PCDH15: variants seen among roughly 807,000 people sequenced by gnomAD.
The protein encoded by PCDH15 is protocadherin-15.
PCDH15 carries 129 observed loss-of-function variants against 178.5 expected under a neutral mutation model. The ratio of observed to expected loss-of-function variants is 0.72; its 90% CI spans 0.63 to 0.84. PCDH15 has a LOEUF of 0.84. Among genes scored for constraint, PCDH15 ranks in the 40% least tolerant of loss-of-function variants. The probability of loss-of-function intolerance (pLI) is 0.00; values close to 1 mark genes in which losing one functional copy is unlikely to be tolerated. For synonymous variants in PCDH15, 800 were observed against 732.0 expected (o/e 1.09, Z -1.50); for missense variants, 2,230 against 2,099.9 (o/e 1.06, Z -1.21).
intron 2 of PCDH15, among the ~76,000 whole-genome samples, chr10:54,898,061 T>A (rs575943831): frequency 6.6e-6 from 1 of 152,146 alleles, no homozygotes; most frequent in Non-Finnish European, 1.5e-5. Flanking sequence ...AGATCCCTCA[T>A]GGCCTGGTGC....
chr10:55,566,880 C>T (rs1245509570), intron 2 of PCDH15, among the ~76,000 whole-genome samples: 3 of 151,720 alleles, frequency 2.0e-5, no homozygotes, highest in South Asian at 2.1e-4. Flanking sequence ...ATAGACTTAA[C>T]GCAATCCCTA....
chr10:54,247,881 A>AAAAAT (rs1260841226), intron 8 of PCDH15, among the ~76,000 whole-genome samples: 15 of 148,494 alleles, frequency 1.0e-4, no homozygotes, highest in African/African-American at 3.5e-4. Context: ...AAAAAAAAGA[A>AAAAAT]ATATGTATAT....
chr10:55,513,534 G>A (rs987951726), intron 2 of PCDH15, among the ~76,000 whole-genome samples: 39 of 152,014 alleles, frequency 2.6e-4, no homozygotes, highest in African/African-American at 8.9e-4. Flanking sequence ...TACATCACAG[G>A]TGATAAAACG....
chr10:54,778,566 GGTTA>G (rs1472412790), intron 1 of PCDH15, among the ~76,000 whole-genome samples: 1 of 151,974 alleles, frequency 6.6e-6, no homozygotes, highest in Non-Finnish European at 1.5e-5. Flanking sequence ...TTTTGTTTCT[GGTTA>G]GTGTTTTTAC....
intron 2 of PCDH15, among the ~76,000 whole-genome samples, chr10:55,067,240 C>T (rs1277203215): frequency 6.6e-6 from 1 of 151,982 alleles, no homozygotes; most frequent in East Asian, 1.9e-4. Context: ...TTCATCCCCA[C>T]AACACTTCTC....
intron 8 of PCDH15, among the ~76,000 whole-genome samples, chr10:54,263,247 A>G (rs1178980312): frequency 6.6e-6 from 1 of 151,986 alleles, no homozygotes; most frequent in African/African-American, 2.4e-5. Context: ...CTCAGTGTGG[A>G]CCACTCCTGA....
At chr10:55,128,360 C>A (rs1837957065) in intron 2 of PCDH15, among the ~76,000 whole-genome samples, 1 of 151,736 alleles carries the variant, frequency 6.6e-6, no homozygotes, top group Non-Finnish European at 1.5e-5. Context: ...ATAATAAAAG[C>A]CTGTTTGTTT....
At chr10:54,321,565 C>T (rs1188950751) in intron 7 of PCDH15, among the ~76,000 whole-genome samples, 1 of 151,824 alleles carries the variant, frequency 6.6e-6, no homozygotes, top group Non-Finnish European at 1.5e-5. Context: ...TATATGTAAT[C>T]ATCAAATCAC....
chr10:54,600,411 G>A, intron 2 of PCDH15: 1 of 570,592 alleles, frequency 1.8e-6, no homozygotes, highest in Non-Finnish European at 3.5e-6. Context: ...GGGAAGAGGA[G>A]TAAGACATTG....
intron 8 of PCDH15, among the ~76,000 whole-genome samples, chr10:54,306,596 A>G (rs2133370294): frequency 6.6e-6 from 1 of 152,120 alleles, no homozygotes; most frequent in African/African-American, 2.4e-5. Flanking sequence ...CAGTGATTTA[A>G]TGTTAATATC....
intron 8 of PCDH15, among the ~76,000 whole-genome samples, chr10:54,269,627 T>C (rs2057920850): frequency 6.6e-6 from 1 of 151,970 alleles, no homozygotes; most frequent in Non-Finnish European, 1.5e-5. Flanking sequence ...AAGAGACAAA[T>C]TCAATTTTAA....
At chr10:53,982,430 A>C (rs996855615) in intron 21 of PCDH15, among the ~76,000 whole-genome samples, 191 of 152,284 alleles carry the variant, frequency 1.3e-3, no homozygotes, top group Admixed American at 2.4e-3. Flanking sequence ...CAAATGTCCA[A>C]CAATGATAGA....
intron 2 of PCDH15, among the ~76,000 whole-genome samples, chr10:55,429,117 C>T (rs1290098795): frequency 1.3e-5 from 2 of 152,000 alleles, no homozygotes; most frequent in Non-Finnish European, 2.9e-5. Flanking sequence ...CCTTTAAAGG[C>T]ATTTTTATAA....
At chr10:53,948,290 A>T (rs1190200935) in intron 23 of PCDH15, among the ~76,000 whole-genome samples, 1 of 152,166 alleles carries the variant, frequency 6.6e-6, no homozygotes, top group Non-Finnish European at 1.5e-5. Context: ...TTAAAGTAGC[A>T]AATTTATTCC....
intron 1 of PCDH15, among the ~76,000 whole-genome samples, chr10:55,277,101 C>G (rs1240123135): frequency 6.6e-6 from 1 of 151,966 alleles, no homozygotes; most frequent in Non-Finnish European, 1.5e-5. Flanking sequence ...GATTAGCATT[C>G]CAGTTCAGAG....
At chr10:53,992,085 A>G (rs906096417) in intron 21 of PCDH15, among the ~76,000 whole-genome samples, 1 of 151,518 alleles carries the variant, frequency 6.6e-6, no homozygotes, top group African/African-American at 2.4e-5. Flanking sequence ...CTGCAGCTTC[A>G]CTCCTGAGGC....
intron 17 of PCDH15, among the ~76,000 whole-genome samples, chr10:54,074,652 G>C (rs1350722163): frequency 2.0e-5 from 3 of 152,140 alleles, no homozygotes; most frequent in African/African-American, 4.8e-5. Context: ...ATGCTGCTAT[G>C]AACATGGGAA....
intron 10 of PCDH15, 45 bp downstream of exon 10, chr10:54,213,891 T>C: frequency 8.2e-7 from 1 of 1,216,404 alleles, no homozygotes; most frequent in South Asian, 1.2e-5. Flanking sequence ...TTTATCTGAT[T>C]AGCAGTTCAT....
Position 55,143,314 on chromosome 10 carries a change from G to T in PCDH15, c.-80+23262C>A, listed in dbSNP as rs537431602. 8.6e-5 allele frequency among the ~76,000 whole-genome samples: 13 copies of T among 151,902 alleles called. No homozygotes were observed. In the South Asian group the frequency reaches 2.3e-3, roughly 27 times the overall value. On this transcript the variant is annotated intron_variant, in intron 2 of 5. Coordinates refer to the PCDH15 transcript ENST00000458638. ...ATATATATGTATACCTGATAAAAGA[G>T]AAATAGATTGACTTAAAAATATTAC...
Sources: allele counts gnomAD v4.1 joint callset (sites outside exome capture counted in the v4.1 genomes callset), GRCh38; gene constraint gnomAD v4.1.1; transcripts MANE v1.5; gene names NCBI Gene and HGNC (gene_info 2026-07-23, HGNC 2026-07-21).